The following ADAMTS20 variants were observed in gnomAD, a reference collection of about 807,000 sequenced individuals.
ADAMTS20 encodes the protein ADAM metallopeptidase with thrombospondin type 1 motif 20.
ADAMTS20 carries 225 observed loss-of-function variants against 260.1 expected under a neutral mutation model. The ratio of observed to expected loss-of-function variants is 0.87; its 90% CI spans 0.78 to 0.97. The LOEUF (loss-of-function observed/expected upper bound fraction) is 0.97. ADAMTS20 is among the 50% of genes least tolerant of loss of function. The pLI is 0.00. For synonymous variants in ADAMTS20, 802 were observed against 769.5 expected (o/e 1.04, Z -0.70); for missense variants, 2,400 against 2,337.7 (o/e 1.03, Z -0.55).
At position 43,369,290 on chromosome 12, in the gene ADAMTS20, C is replaced by A; in HGVS notation, c.5538G>T (p.Gln1846His). 6.7e-7 allele frequency: 1 copy of A among 1,502,728 alleles called. No individual in the cohort carries two copies. The allele number at this position is 1,502,728 out of a possible 1,614,324, so 93.1% of individuals were successfully genotyped here. ...GDCYSAFRCP[Q>H]GQFSINLSGT... ...AATTAATCAAACAAATATGAAATACCTGTGGGCATCTGAAAGCACTGTAGC... is the reference window on the plus strand; with the variant it reads ...AATTAATCAAACAAATATGAAATACATGTGGGCATCTGAAAGCACTGTAGC... Residue 1846 changes from glutamine (Q) to histidine (H), a missense_variant and splice_region_variant, in exon 37 of 39, where the codon CAG becomes CAT. Coordinates refer to ENST00000389420, the MANE Select transcript of ADAMTS20 (RefSeq NM_025003.5).
intron 29 of ADAMTS20, among the ~76,000 whole-genome samples, chr12:43,395,274 G>A (rs1403220100): frequency 6.6e-6 from 1 of 152,056 alleles, no homozygotes; most frequent in Non-Finnish European, 1.5e-5. Flanking sequence ...CAAATGAAGG[G>A]ATCACAGATT....
chr12:43,442,382 C>T (rs556081242), intron 16 of ADAMTS20, among the ~76,000 whole-genome samples: 6 of 152,086 alleles, frequency 3.9e-5, no homozygotes, highest in African/African-American at 1.2e-4. Flanking sequence ...CTCAGCCTCC[C>T]GAGTAGCTGG....
chr12:43,441,019 A>G (rs1198737538), intron 16 of ADAMTS20, among the ~76,000 whole-genome samples: 1 of 150,396 alleles, frequency 6.6e-6, no homozygotes, highest in Non-Finnish European at 1.5e-5. Context: ...GAGCTGAGAT[A>G]GCGCCACTGC....
chr12:43,506,371 A>T lies in ADAMTS20; in HGVS notation c.614-3966T>A, dbSNP rs546511241. On this transcript the variant is annotated intron_variant, in intron 3 of 38. Coordinates refer to ENST00000389420, the MANE Select transcript of ADAMTS20 (RefSeq NM_025003.5). ...GGGAGTTGTGAATGTATATAGTCTC[A>T]GTTTGCAAGATGAAAAAGTCCTGGA... Among the ~76,000 whole-genome samples, 5 of 152,332 alleles carry T rather than the reference A, an allele frequency of 3.3e-5. 1 individual carries two copies. Among genetic ancestry groups the T allele is most frequent in the African/African-American group, 1.2e-4 (5 of 41,578 alleles).
downstream of ADAMTS20, among the ~76,000 whole-genome samples, chr12:43,353,540 C>A (rs897730858): frequency 5.8e-4 from 88 of 151,332 alleles, no homozygotes; most frequent in South Asian, 6.3e-4. Context: ...TTTATTATAC[C>A]CACAAAATTT....
chr12:43,353,294 T>G (rs1172271913), downstream of ADAMTS20, among the ~76,000 whole-genome samples: 1 of 152,000 alleles, frequency 6.6e-6, no homozygotes, highest in Non-Finnish European at 1.5e-5. Context: ...CTTTTACATA[T>G]GCCAATATAT....
chr12:43,546,502 G>A (rs1296848377), intron 2 of ADAMTS20, among the ~76,000 whole-genome samples: 5 of 152,122 alleles, frequency 3.3e-5, no homozygotes, highest in African/African-American at 7.2e-5. Context: ...CCAGAAGCAT[G>A]AGGAATTGTC....
intron 15 of ADAMTS20, 56 bp downstream of exon 15, chr12:43,446,539 A>G: frequency 7.7e-7 from 1 of 1,295,018 alleles, no homozygotes; most frequent in Non-Finnish European, 1.1e-6. Flanking sequence ...CCTTCTTTAC[A>G]GACTCCATTA....
Position 43,454,038 on chromosome 12 carries a change from C to T in ADAMTS20, c.1629G>A (p.Gly543=). 2 of 1,612,754 alleles carry T rather than the reference C, an allele frequency of 1.2e-6. No homozygotes were observed. Among genetic ancestry groups the T allele is most frequent in the Non-Finnish European group, 1.7e-6 (2 of 1,179,492 alleles). The part of the protein sequence containing the change: ...DCGPGMHCRH[G]LCVNKETETR... ...TTTCCGTTTCTTTGTTTACACATAG[C>T]CCATGACGGCAATGCTATAAAAATA... The change falls in exon 12 of 39, where the codon GGG becomes GGA. Residue 543 remains glycine (G), a synonymous_variant. Transcript: ENST00000389420.
intron 28 of ADAMTS20, among the ~76,000 whole-genome samples, chr12:43,417,813 TACA>T (rs1209121579): frequency 1.3e-5 from 2 of 152,230 alleles, no homozygotes; most frequent in African/African-American, 4.8e-5. Context: ...CAGTCTGACA[TACA>T]ACATTTATAA....
At position 43,354,195 on chromosome 12, in the gene ADAMTS20, C is replaced by T. The variant is rs369727823; in HGVS notation, c.*14G>A. The T allele has an allele frequency of 1.3e-6, 2 of 1,544,448 alleles. No homozygotes were observed. The highest frequency in any genetic ancestry group is 4.7e-5 in the East Asian group (2 of 42,970). On this transcript the variant is annotated 3_prime_UTR_variant, in exon 39 of 39. Transcript: ENST00000389420. Reference sequence around the variant, plus strand: ...ATATCCCCTCTTTAGGGCATACTTCCCCCTTCTAAATGTTCATATGACTTG... The same window carrying T: ...ATATCCCCTCTTTAGGGCATACTTCTCCCTTCTAAATGTTCATATGACTTG...
intron 31 of ADAMTS20, among the ~76,000 whole-genome samples, chr12:43,382,827 TA>T (rs150098395): frequency 0.25 from 37,718 of 151,530 alleles, 5,290 homozygotes; most frequent in African/African-American, 0.38. Flanking sequence ...ATGGCTTAGA[TA>T]AAAAAACAGA....
intron 7 of ADAMTS20, among the ~76,000 whole-genome samples, chr12:43,489,256 G>T (rs1942567231): frequency 6.6e-6 from 1 of 151,906 alleles, no homozygotes. Context: ...AACTCTAAAA[G>T]AATAGGTTTA....
At chr12:43,380,921 T>C (rs184513497) in intron 31 of ADAMTS20, among the ~76,000 whole-genome samples, 3 of 152,138 alleles carry the variant, frequency 2.0e-5, no homozygotes, top group Admixed American at 6.6e-5. Context: ...AGACTCAGAA[T>C]AGCCCAGTAA....
At chr12:43,475,077 T>A (rs1942328537) in intron 7 of ADAMTS20, among the ~76,000 whole-genome samples, 1 of 136,944 alleles carries the variant, frequency 7.3e-6, no homozygotes, top group African/African-American at 2.7e-5. Flanking sequence ...ACATGATTGT[T>A]TATCTAGAAA....
intron 28 of ADAMTS20, among the ~76,000 whole-genome samples, chr12:43,407,297 C>T (rs1419692308): frequency 6.6e-6 from 1 of 151,544 alleles, no homozygotes; most frequent in African/African-American, 2.4e-5. Context: ...CAAATATATC[C>T]AGCAGACTTC....
At chr12:43,433,703 A>AACAC (rs56226241) in intron 19 of ADAMTS20, 13 of 358,078 alleles carry the variant, frequency 3.6e-5, no homozygotes, top group East Asian at 2.6e-4. Flanking sequence ...TGCACACACA[A>AACAC]ACACACACAC....
intron 28 of ADAMTS20, among the ~76,000 whole-genome samples, chr12:43,418,611 G>A (rs757681105): frequency 6.6e-6 from 1 of 152,104 alleles, no homozygotes; most frequent in Non-Finnish European, 1.5e-5. Flanking sequence ...ACCCAGGCTC[G>A]CCAAGGGCAT....
At chr12:43,401,130 A>G (rs570092443) in intron 28 of ADAMTS20, among the ~76,000 whole-genome samples, 1 of 152,148 alleles carries the variant, frequency 6.6e-6, no homozygotes, top group South Asian at 2.1e-4. Context: ...TTAAAAATTC[A>G]TGAAATGTAG....
Sources: allele counts gnomAD v4.1 joint callset (sites outside exome capture counted in the v4.1 genomes callset), GRCh38; gene constraint gnomAD v4.1.1; transcripts MANE v1.5; gene names NCBI Gene and HGNC (gene_info 2026-07-23, HGNC 2026-07-21).